Variants in MCCC1 observed in about 807,000 individuals in gnomAD.
MCCC1 encodes methylcrotonoyl-CoA carboxylase subunit alpha, mitochondrial.
Under a neutral mutation model 83.8 loss-of-function variants are expected in MCCC1, and 64 were observed. That is an observed-to-expected ratio of 0.76 (90% CI 0.62 to 0.94). The LOEUF (loss-of-function observed/expected upper bound fraction) is 0.94, where lower values mean the gene tolerates loss of function less well. MCCC1 is among the 40% of genes least tolerant of loss of function. The probability of loss-of-function intolerance (pLI) is 0.00; values close to 1 mark genes in which losing one functional copy is unlikely to be tolerated. For synonymous variants in MCCC1, 322 were observed against 315.4 expected, an observed-to-expected ratio of 1.02 and a Z score of -0.22; for missense variants, 807 against 904.7, an observed-to-expected ratio of 0.89 and a Z score of 1.39.
chr3:183,108,699 A>G (rs1454433993), intron 1 of MCCC1, among the ~76,000 whole-genome samples: 1 of 152,202 alleles, frequency 6.6e-6, no homozygotes, highest in Non-Finnish European at 1.5e-5. Flanking sequence ...TGTTCTCTCT[A>G]TAACTCCACC....
chr3:183,092,605 G>T, intron 2 of MCCC1, 60 bp from the exon 3 acceptor site: 1 of 1,605,018 alleles, frequency 6.2e-7, no homozygotes, highest in Non-Finnish European at 8.5e-7. Context: ...GAATGAGAAT[G>T]AGAATACGAT....
rs144046419 is a variant in MCCC1 at position 183,049,389 on chromosome 3, G to C, written c.955+2770C>G. On this transcript the variant is annotated intron_variant, in intron 9 of 18. Transcript: ENST00000265594. ...GATCAAGACCATCCTGGCCAAGATG[G>C]TGAAACCCATCTCTACTAAAAAAAT... Among the ~76,000 whole-genome samples, 209 of 151,960 alleles carry C rather than the reference G, an allele frequency of 1.4e-3. 2 individuals are homozygous for C. The highest frequency in any genetic ancestry group is 4.8e-3 in the African/African-American group (198 of 41,472).
chr3:183,094,770 G>A (rs1234996191), intron 1 of MCCC1, among the ~76,000 whole-genome samples, 165 bp from the exon 2 acceptor site: 2 of 152,178 alleles, frequency 1.3e-5, no homozygotes, highest in African/African-American at 4.8e-5. Flanking sequence ...TCAAGAGTTA[G>A]AGTTCTGGCT....
At chr3:183,033,059 C>T (rs1181162868) in intron 14 of MCCC1, among the ~76,000 whole-genome samples, 1 of 152,106 alleles carries the variant, frequency 6.6e-6, no homozygotes, top group East Asian at 1.9e-4. Context: ...TCAAGGTTAG[C>T]CAGGATTCTG....
chr3:183,069,748 C>CAT (rs964922622), intron 7 of MCCC1, among the ~76,000 whole-genome samples: 6 of 151,878 alleles, frequency 4.0e-5, no homozygotes, highest in South Asian at 2.1e-4. Context: ...AGGTCACACA[C>CAT]ATATATATAT....
chr3:183,089,613 CA>C (rs1384227816), intron 3 of MCCC1, among the ~76,000 whole-genome samples: 2 of 142,698 alleles, frequency 1.4e-5, no homozygotes, highest in Non-Finnish European at 1.5e-5. Flanking sequence ...GACCCTGGCT[CA>C]AAAAAAAAGG....
At chr3:183,103,076 G>T (rs546908803), upstream of MCCC1, among the ~76,000 whole-genome samples, 248 of 152,060 alleles carry the variant, frequency 1.6e-3, no homozygotes, top group African/African-American at 5.7e-3. Flanking sequence ...AAGGTGGCGC[G>T]TCTGGAGTTT....
At chr3:183,055,526 A>G (rs6771735) in intron 8 of MCCC1, among the ~76,000 whole-genome samples, 14,137 of 152,254 alleles carry the variant, frequency 0.093, 2,013 homozygotes, top group African/African-American at 0.3. Flanking sequence ...TGCATTGCAG[A>G]TATTACTCAG....
In MCCC1 at chr3:183,072,382, C is replaced by A. The variant is rs895181695; in HGVS notation, c.475G>T (p.Asp159Tyr). 2 of 1,613,830 alleles carry A rather than the reference C, an allele frequency of 1.2e-6. No individual in the cohort carries two copies. The highest frequency in any genetic ancestry group is 1.7e-6 in the Non-Finnish European group (2 of 1,179,768). Reference protein sequence around the residue: ...FIGPPPSAIRDMGIKSTSKSI... With the variant: ...FIGPPPSAIRYMGIKSTSKSI... ...AACTCATACCTCTTTATACCCATGTCTCTAATTGCAGATGGAGGAGGGCCT... is the reference window on the plus strand; with the variant it reads ...AACTCATACCTCTTTATACCCATGTATCTAATTGCAGATGGAGGAGGGCCT... Residue 159 changes from aspartate to tyrosine, a missense_variant, in exon 5 of 19, where the codon GAC becomes TAC. By Grantham distance (160) the Asp-to-Tyr change is radical. Coordinates refer to ENST00000265594, the MANE Select transcript of MCCC1 (RefSeq NM_020166.5).
intron 8 of MCCC1, among the ~76,000 whole-genome samples, chr3:183,053,861 A>T (rs1403619643): frequency 6.7e-6 from 1 of 149,794 alleles, no homozygotes; most frequent in African/African-American, 2.4e-5. Flanking sequence ...AGCTTATAGA[A>T]TTAAGGCTAT....
rs75105818 is a variant in MCCC1 at position 183,040,728 on chromosome 3, A to C, written c.1267+839T>G. The stretch of plus-strand genomic sequence containing the variant: ...CAGAGTGAGACCTTGTCTCAAAAAC[A>C]AAAACAAACAAAAAAACAAACAAAC... On this transcript the variant is annotated intron_variant, in intron 11 of 18. Transcript: ENST00000265594. 2.9e-3 allele frequency among the ~76,000 whole-genome samples: 447 copies of C among 152,252 alleles called. 16 individuals carry two copies. The East Asian group carries it at 0.078, about 27-fold the overall frequency.
At chr3:183,028,056 C>T (rs978284169) in intron 14 of MCCC1, among the ~76,000 whole-genome samples, 9 of 152,254 alleles carry the variant, frequency 5.9e-5, no homozygotes, top group African/African-American at 1.7e-4. Context: ...TACCTGGTTT[C>T]GAAGCTTCAA....
rs144182725 is a variant in MCCC1 at position 183,039,066 on chromosome 3, G to A, written c.1337C>T (p.Ala446Val). The A allele has an allele frequency of 1.4e-4, 223 of 1,614,150 alleles. No individual in the cohort carries two copies. The African/African-American group carries it at 2.4e-3, about 17-fold the overall frequency. The part of the protein sequence containing the change: ...KLVVWAADRQ[A>V]ALTKLRYSLR... ...GCTGTACCTCAGTTTTGTCAATGCCGCCTGGCGATCTGCTGCCCACACGAC... is the reference window on the plus strand; with the variant it reads ...GCTGTACCTCAGTTTTGTCAATGCCACCTGGCGATCTGCTGCCCACACGAC... Residue 446 changes from alanine to valine, a missense_variant, in exon 12 of 19, where the codon GCG becomes GTG. Physicochemically the swap from Ala to Val is moderately conservative, Grantham distance 64. Transcript: ENST00000265594.
At chr3:183,030,852 T>C (rs771898273) in intron 14 of MCCC1, among the ~76,000 whole-genome samples, 6 of 152,226 alleles carry the variant, frequency 3.9e-5, no homozygotes, top group Non-Finnish European at 8.8e-5. Flanking sequence ...CTCCACCCTA[T>C]ATCATGTCAA....
At chr3:183,086,834 A>G in intron 3 of MCCC1, 46 bp from the exon 4 acceptor site, 1 of 1,524,646 alleles carries the variant, frequency 6.6e-7, no homozygotes. Flanking sequence ...TGGCTAGTAC[A>G]TACTCATACA....
intron 3 of MCCC1, chr3:183,090,907 C>A: frequency 2.3e-6 from 1 of 441,118 alleles, no homozygotes; most frequent in Admixed American, 2.5e-5. Flanking sequence ...CTTAAAAAGA[C>A]AAGAAGAGAA....
chr3:183,052,791 C>A, intron 8 of MCCC1, among the ~76,000 whole-genome samples: 1 of 106,702 alleles, frequency 9.4e-6, no homozygotes, highest in African/African-American at 3.9e-5. Flanking sequence ...GCCTGGGTGA[C>A]AGAGTGAGAC....
intron 4 of MCCC1, among the ~76,000 whole-genome samples, chr3:183,073,239 T>G (rs1459154719): frequency 6.6e-6 from 1 of 152,198 alleles, no homozygotes; most frequent in Non-Finnish European, 1.5e-5. Context: ...TCTATATACT[T>G]AAATTTAAAA....
chr3:183,054,466 C>T lies in MCCC1; in HGVS notation c.874-2226G>A, dbSNP rs567961918. ...CCTCCCAAAGCGCTGGGATTACAGG[C>T]GTGAGCCACCGCGCCCGGCCTAGAA... On this transcript the variant is annotated intron_variant, in intron 8 of 18. Transcript: ENST00000265594. Among the ~76,000 whole-genome samples the T allele has an allele frequency of 1.5e-3, 233 of 152,120 alleles. 1 individual carries two copies. Among genetic ancestry groups the T allele is most frequent in the African/African-American group, 5.2e-3 (217 of 41,474 alleles).
Sources: allele counts gnomAD v4.1 joint callset (sites outside exome capture counted in the v4.1 genomes callset), GRCh38; gene constraint gnomAD v4.1.1; transcripts MANE v1.5; gene names NCBI Gene and HGNC (gene_info 2026-07-23, HGNC 2026-07-21).